The following FKBP5 variants were observed in gnomAD, a reference collection of about 807,000 sequenced individuals.
FKBP5 encodes peptidyl-prolyl cis-trans isomerase FKBP5.
A neutral mutation model predicts 50.5 loss-of-function variants in FKBP5; 23 were observed. The observed-to-expected ratio is 0.46, with a 90% CI of 0.33 to 0.65. FKBP5 has a LOEUF of 0.65. FKBP5 is among the 30% of genes least tolerant of loss of function. The probability of loss-of-function intolerance (pLI) is 0.02; values close to 1 mark genes in which losing one functional copy is unlikely to be tolerated. For synonymous variants in FKBP5, 176 were observed against 190.6 expected (o/e 0.92, Z 0.63); for missense variants, 411 against 553.1 (o/e 0.74, Z 2.58).
Position 35,575,630 on chromosome 6 carries a change from G to T in FKBP5, c.*205C>A. 1 of 559,638 alleles carries T rather than the reference G, an allele frequency of 1.8e-6. No individual in the cohort carries two copies. The highest frequency in any genetic ancestry group is 1.9e-5 in the African/African-American group (1 of 53,232). The allele number at this position is 559,638 out of a possible 1,614,324, so 34.7% of individuals were successfully genotyped here. On this transcript the variant is annotated 3_prime_UTR_variant, in exon 11 of 11. Coordinates refer to ENST00000357266, the MANE Select transcript of FKBP5 (RefSeq NM_004117.4). ...ACAGTCATTTCTGTTTGTTCCACCT[G>T]GAGTGGTCCCGTGCCACCCCTCAGT...
intron 1 of FKBP5, among the ~76,000 whole-genome samples, chr6:35,726,590 G>GCCTAGAA (rs1766718002): frequency 6.9e-6 from 1 of 144,376 alleles, no homozygotes; most frequent in African/African-American, 2.6e-5. Flanking sequence ...ACAGCTCAAG[G>GCCTAGAA]CCTAGAACCT....
chr6:35,642,643 GC>G, intron 2 of FKBP5, 76 bp downstream of exon 2: 5 of 1,093,560 alleles, frequency 4.6e-6, no homozygotes, highest in South Asian at 2.8e-5. Context: ...ATCCACCCCA[GC>G]CCCCCTCAGA....
intron 1 of FKBP5, among the ~76,000 whole-genome samples, chr6:35,649,323 T>C (rs1027095343): frequency 2.7e-4 from 41 of 152,048 alleles, no homozygotes; most frequent in Admixed American, 1.8e-3. Context: ...TTGCTCATTT[T>C]CTTAGCACTA....
At chr6:35,603,941 A>G (rs917739740) in intron 5 of FKBP5, among the ~76,000 whole-genome samples, 1 of 151,880 alleles carries the variant, frequency 6.6e-6, no homozygotes, top group African/African-American at 2.4e-5. Flanking sequence ...CCCGACCTCA[A>G]GTGATCCTCC....
At chr6:35,622,801 A>G (rs890801107) in intron 3 of FKBP5, among the ~76,000 whole-genome samples, 1 of 152,224 alleles carries the variant, frequency 6.6e-6, no homozygotes, top group African/African-American at 2.4e-5. Context: ...GCATACTCTA[A>G]CTTCAGAATA....
chr6:35,674,013 A>G (rs1198912647), intron 1 of FKBP5, among the ~76,000 whole-genome samples: 2 of 152,148 alleles, frequency 1.3e-5, no homozygotes, highest in Non-Finnish European at 2.9e-5. Context: ...GGACTAGAGG[A>G]TGGTTCCCTT....
At chr6:35,582,452 GA>G in intron 8 of FKBP5, 1 of 399,830 alleles carries the variant, frequency 2.5e-6, no homozygotes, top group Non-Finnish European at 3.4e-6. Context: ...TTTATAAGAA[GA>G]AACTCGGGTG....
intron 2 of FKBP5, among the ~76,000 whole-genome samples, chr6:35,713,665 C>T (rs1183861523): frequency 6.6e-6 from 1 of 152,222 alleles, no homozygotes; most frequent in Admixed American, 6.5e-5. Flanking sequence ...GGGGATTCTC[C>T]TGTGAGCTTT....
At chr6:35,678,258 A>C (rs986958072) in intron 1 of FKBP5, among the ~76,000 whole-genome samples, 8 of 152,250 alleles carry the variant, frequency 5.3e-5, no homozygotes, top group Admixed American at 2.6e-4. Flanking sequence ...GGGAGGGGTC[A>C]TGTTGGTATA....
chr6:35,682,301 G>T (rs1765689573), intron 1 of FKBP5, among the ~76,000 whole-genome samples: 1 of 152,174 alleles, frequency 6.6e-6, no homozygotes, highest in Non-Finnish European at 1.5e-5. Context: ...TGCTCATTCA[G>T]AATATATTCT....
intron 2 of FKBP5, among the ~76,000 whole-genome samples, chr6:35,709,575 T>C (rs375658491): frequency 6.6e-6 from 1 of 152,242 alleles, no homozygotes; most frequent in Admixed American, 6.5e-5. Context: ...AAATGATTTG[T>C]ATTTCTAAAC....
At chr6:35,593,340 T>C (rs1283787496) in intron 6 of FKBP5, among the ~76,000 whole-genome samples, 1 of 152,180 alleles carries the variant, frequency 6.6e-6, no homozygotes, top group Non-Finnish European at 1.5e-5. Context: ...TGAATGACCA[T>C]TAAGCCTTAA....
At chr6:35,658,329 T>A (rs933114612) in intron 1 of FKBP5, among the ~76,000 whole-genome samples, 7 of 151,746 alleles carry the variant, frequency 4.6e-5, no homozygotes, top group Non-Finnish European at 1.0e-4. Flanking sequence ...TGAGCCGAGT[T>A]TGCGCCACTG....
intron 8 of FKBP5, chr6:35,586,734 C>T: frequency 8.1e-7 from 1 of 1,239,434 alleles, no homozygotes; most frequent in Non-Finnish European, 1.0e-6. Context: ...AACTATGTAC[C>T]AAGCAAGATG....
chr6:35,639,659 A>G (rs1006422784), intron 2 of FKBP5, among the ~76,000 whole-genome samples: 4 of 152,194 alleles, frequency 2.6e-5, no homozygotes, highest in Non-Finnish European at 5.9e-5. Flanking sequence ...AAAAAAGACA[A>G]TAGGATGTAA....
intron 1 of FKBP5, chr6:35,664,913 C>T (rs1322146703): frequency 6.6e-6 from 1 of 152,180 alleles, no homozygotes; most frequent in Non-Finnish European, 1.5e-5. Context: ...CCATTTATTT[C>T]ATAATCTGTA....
chr6:35,703,653 A>C (rs944331681), intron 2 of FKBP5, among the ~76,000 whole-genome samples: 2 of 152,144 alleles, frequency 1.3e-5, no homozygotes, highest in Admixed American at 1.3e-4. Flanking sequence ...ACTTGGGGAA[A>C]TTCCTCTATT....
upstream of FKBP5, among the ~76,000 whole-genome samples, chr6:35,690,797 G>A (rs1328323075): frequency 1.3e-5 from 2 of 151,736 alleles, no homozygotes; most frequent in Non-Finnish European, 2.9e-5. Context: ...ACCTGAGGTC[G>A]GGAGTTCGAG....
chr6:35,601,871 C>A (rs569806879), intron 5 of FKBP5, among the ~76,000 whole-genome samples: 3 of 152,140 alleles, frequency 2.0e-5, no homozygotes, highest in South Asian at 2.1e-4. Context: ...TAAAAAGAGA[C>A]AACATTTTTT....
Sources: allele counts gnomAD v4.1 joint callset (sites outside exome capture counted in the v4.1 genomes callset), GRCh38; gene constraint gnomAD v4.1.1; transcripts MANE v1.5; gene names NCBI Gene and HGNC (gene_info 2026-07-23, HGNC 2026-07-21).